GKAP1: variants seen among roughly 807,000 people sequenced by gnomAD.
GKAP1 encodes the protein G kinase-anchoring protein 1.
Under a neutral mutation model 56.7 loss-of-function variants are expected in GKAP1, and 31 were observed. That is an observed-to-expected ratio of 0.55 (90% CI 0.41 to 0.74). The LOEUF (loss-of-function observed/expected upper bound fraction) is 0.74. GKAP1 is among the 30% of genes least tolerant of loss of function. GKAP1 has a pLI of 0.00. For missense variants in GKAP1, 364 were observed against 402.3 expected (o/e 0.90, Z 0.82); for synonymous variants, 151 against 138.6 (o/e 1.09, Z -0.63).
chr9:83,785,008 C>T (rs1944040803), intron 5 of GKAP1, among the ~76,000 whole-genome samples, 170 bp from the exon 6 acceptor site: 1 of 152,132 alleles, frequency 6.6e-6, no homozygotes, highest in South Asian at 2.1e-4. Flanking sequence ...TTCATTTACT[C>T]AATCCCTTAC....
intron 3 of GKAP1, among the ~76,000 whole-genome samples, chr9:83,803,726 G>T (rs6559746): frequency 6.8e-6 from 1 of 146,892 alleles, no homozygotes; most frequent in South Asian, 2.2e-4. Flanking sequence ...CGTCTGGGAC[G>T]TGAGGAGCCC....
intron 5 of GKAP1, 116 bp from the exon 6 acceptor site, chr9:83,784,954 C>T (rs762521344): frequency 1.3e-6 from 1 of 796,746 alleles, no homozygotes. Context: ...AAATAAAAAA[C>T]CAAAATTTAG....
intron 12 of GKAP1, among the ~76,000 whole-genome samples, chr9:83,740,543 T>C (rs1390404609): frequency 6.6e-6 from 1 of 152,220 alleles, no homozygotes; most frequent in African/African-American, 2.4e-5. Flanking sequence ...AATAGTTGTA[T>C]GTATAGTTTT....
At chr9:83,739,772 A>T (rs947663700) in intron 12 of GKAP1, 28 bp from the exon 13 acceptor site, 1 of 1,566,916 alleles carries the variant, frequency 6.4e-7, no homozygotes, top group Non-Finnish European at 8.7e-7. Flanking sequence ...AATAGGGAAA[A>T]TTATTTACAA....
intron 7 of GKAP1, among the ~76,000 whole-genome samples, chr9:83,769,276 A>C (rs147923617): frequency 1.2e-3 from 181 of 152,246 alleles, no homozygotes; most frequent in African/African-American, 4.1e-3. Flanking sequence ...TAATGTGTAC[A>C]AGACACTGGT....
intron 8 of GKAP1, among the ~76,000 whole-genome samples, chr9:83,763,700 C>A (rs1165922448): frequency 6.6e-6 from 1 of 152,126 alleles, no homozygotes; most frequent in East Asian, 1.9e-4. Context: ...TGTATCTTTT[C>A]TGGGGCTCAC....
intron 8 of GKAP1, among the ~76,000 whole-genome samples, chr9:83,759,577 T>C (rs756702730): frequency 6.6e-6 from 1 of 152,250 alleles, no homozygotes; most frequent in African/African-American, 2.4e-5. Flanking sequence ...ACTTCTCTTA[T>C]TCTTTTGCTA....
intron 5 of GKAP1, among the ~76,000 whole-genome samples, chr9:83,785,565 A>G (rs1483747646): frequency 6.6e-6 from 1 of 152,170 alleles, no homozygotes; most frequent in Non-Finnish European, 1.5e-5. Flanking sequence ...ACATCTGTCT[A>G]AGTTGGAAAC....
chr9:83,773,903 CA>C (rs1389080441), intron 7 of GKAP1, among the ~76,000 whole-genome samples: 3 of 152,000 alleles, frequency 2.0e-5, no homozygotes, highest in Non-Finnish European at 4.4e-5. Context: ...AAAAATTGTC[CA>C]ATTTAACCAT....
intron 8 of GKAP1, among the ~76,000 whole-genome samples, chr9:83,762,630 T>C (rs1002095918): frequency 6.6e-6 from 1 of 152,132 alleles, no homozygotes; most frequent in African/African-American, 2.4e-5. Flanking sequence ...GAAGGAATCA[T>C]GTTACCTGAC....
At chr9:83,786,874 T>C (rs1365006000) in intron 5 of GKAP1, among the ~76,000 whole-genome samples, 3 of 152,222 alleles carry the variant, frequency 2.0e-5, no homozygotes, top group Non-Finnish European at 4.4e-5. Context: ...ATACAGGTAA[T>C]CCTTCTAGCT....
chr9:83,768,832 G>C lies in GKAP1; in HGVS notation c.724C>G (p.His242Asp). The stretch of plus-strand genomic sequence containing the variant: ...ACTTTACATGCCTGGTTGTGTTCAT[G>C]AGCTGTACAATTATCTGTTCCATTA... Reference protein sequence around the residue: ...EYNGTDNCTAHEHNQEVVLKD... With the variant: ...EYNGTDNCTADEHNQEVVLKD... Residue 242 changes from histidine (H) to aspartate (D), a missense_variant, in exon 8 of 13, where the codon CAT (histidine) becomes GAT (aspartate). Physicochemically the swap from His to Asp is moderately conservative, Grantham distance 81. Coordinates refer to ENST00000376371, the MANE Select transcript of GKAP1 (RefSeq NM_025211.4). 2 of 1,611,786 alleles carry C rather than the reference G, an allele frequency of 1.2e-6. No individual in the cohort carries two copies. The highest frequency in any genetic ancestry group is 1.7e-6 in the Non-Finnish European group (2 of 1,179,364).
At chr9:83,749,352 T>C (rs1263537602) in intron 9 of GKAP1, among the ~76,000 whole-genome samples, 2 of 151,406 alleles carry the variant, frequency 1.3e-5, no homozygotes, top group East Asian at 3.9e-4. Context: ...TCAGCCTCCC[T>C]AGCAGCTGGT....
intron 2 of GKAP1, among the ~76,000 whole-genome samples, chr9:83,816,019 G>A (rs1179712081): frequency 2.7e-5 from 3 of 112,036 alleles, no homozygotes; most frequent in African/African-American, 1.2e-4. Context: ...AACACCGTCT[G>A]TATTAAAAAT....
intron 7 of GKAP1, among the ~76,000 whole-genome samples, chr9:83,779,448 T>TATATATATATATATACACAC (rs1554742273): frequency 8.4e-6 from 1 of 119,598 alleles, no homozygotes; most frequent in African/African-American, 3.1e-5. Flanking sequence ...TATATATATA[T>TATATATATATATATACACAC]ACACACACAC....
intron 2 of GKAP1, among the ~76,000 whole-genome samples, chr9:83,808,223 A>G (rs1944464871): frequency 6.6e-6 from 1 of 152,254 alleles, no homozygotes; most frequent in East Asian, 1.9e-4. Flanking sequence ...AAACAAGAAA[A>G]TGTTTCAAAA....
chr9:83,745,028 T>C (rs1308643014), intron 10 of GKAP1, among the ~76,000 whole-genome samples: 2 of 152,060 alleles, frequency 1.3e-5, no homozygotes, highest in African/African-American at 4.8e-5. Context: ...AAGGTGAGAT[T>C]TGGGTGGAGA....
intron 7 of GKAP1, among the ~76,000 whole-genome samples, chr9:83,778,214 T>C (rs933543226): frequency 3.3e-5 from 5 of 152,190 alleles, no homozygotes; most frequent in Non-Finnish European, 5.9e-5. Context: ...CCCAGAGGAA[T>C]ATAAATGGTT....
At chr9:83,815,101 G>C (rs1440007414) in intron 2 of GKAP1, among the ~76,000 whole-genome samples, 5 of 152,172 alleles carry the variant, frequency 3.3e-5, no homozygotes. Flanking sequence ...GAACCAGGGA[G>C]GTAGAGGTTG....
Sources: gnomAD v4.1 joint callset for allele counts (sites outside exome capture counted in the v4.1 genomes callset) on GRCh38, gnomAD v4.1.1 for gene constraint, MANE v1.5 for transcripts, NCBI Gene and HGNC (gene_info 2026-07-23, HGNC 2026-07-21) for gene names.